Variants in ANTXR1 observed in about 807,000 individuals in gnomAD.
The protein encoded by ANTXR1 is anthrax toxin receptor 1.
A neutral mutation model predicts 78.1 loss-of-function variants in ANTXR1; 19 were observed. The ratio of observed to expected loss-of-function variants is 0.24; its 90% CI spans 0.17 to 0.36. The LOEUF (loss-of-function observed/expected upper bound fraction) is 0.36, where lower values mean the gene tolerates loss of function less well. Among genes scored for constraint, ANTXR1 ranks in the 10% least tolerant of loss-of-function variants. The pLI, the probability that ANTXR1 is intolerant of heterozygous loss-of-function variation, is 1.00. For synonymous variants in ANTXR1, 273 were observed against 260.5 expected (o/e 1.05, Z -0.46); for missense variants, 518 against 718.6 (o/e 0.72, Z 3.19).
At chr2:69,233,657 G>A (rs897465488) in intron 17 of ANTXR1, among the ~76,000 whole-genome samples, 14 of 151,580 alleles carry the variant, frequency 9.2e-5, no homozygotes, top group African/African-American at 3.4e-4. Flanking sequence ...CACTTAAACT[G>A]GAATTAAAGT....
chr2:69,232,855 A>G (rs1407236530), intron 17 of ANTXR1, among the ~76,000 whole-genome samples: 2 of 152,198 alleles, frequency 1.3e-5, no homozygotes, highest in African/African-American at 2.4e-5. Context: ...AACTACCAGT[A>G]TCATCGATGA....
At chr2:69,071,491 A>G (rs763581847) in intron 4 of ANTXR1, among the ~76,000 whole-genome samples, 1 of 152,252 alleles carries the variant, frequency 6.6e-6, no homozygotes, top group Non-Finnish European at 1.5e-5. Context: ...CAGCTCCATT[A>G]TAACCTTAGG....
rs78746025 is a variant in ANTXR1, at chr2:69,041,270, G to A, written c.224+1155G>A. Among the ~76,000 whole-genome samples, 2,340 of 152,294 alleles carry A rather than the reference G, an allele frequency of 0.015. 91 individuals carry two copies. The East Asian group carries it at 0.16, about 10-fold the overall frequency. On this transcript the variant is annotated intron_variant, in intron 2 of 17. Coordinates refer to ENST00000303714, the MANE Select transcript of ANTXR1 (RefSeq NM_032208.3). The stretch of plus-strand genomic sequence containing the variant: ...CCCAGCCTATCCTAGGAGGCATTGT[G>A]TAACTCTCTACTTGAATAGCTCTGG...
chr2:69,201,683 G>A (rs1674775436), intron 17 of ANTXR1, among the ~76,000 whole-genome samples: 1 of 152,168 alleles, frequency 6.6e-6, no homozygotes, highest in Non-Finnish European at 1.5e-5. Context: ...TAACTGCCTG[G>A]GTGTAGAGGA....
At chr2:69,066,318 C>T (rs1041213268) in intron 3 of ANTXR1, among the ~76,000 whole-genome samples, 1 of 151,630 alleles carries the variant, frequency 6.6e-6, no homozygotes, top group Non-Finnish European at 1.5e-5. Flanking sequence ...TTTTTAGAGA[C>T]GGAGTTTTGC....
chr2:69,211,241 C>T (rs1367341149), intron 17 of ANTXR1, among the ~76,000 whole-genome samples: 1 of 152,220 alleles, frequency 6.6e-6, no homozygotes, highest in Non-Finnish European at 1.5e-5. Context: ...AAAACATTTT[C>T]TTGGCATATA....
chr2:69,130,309 G>GT (rs35670748), intron 12 of ANTXR1, among the ~76,000 whole-genome samples: 39,982 of 151,920 alleles, frequency 0.26, 6,291 homozygotes, highest in African/African-American at 0.42. Flanking sequence ...GAAGACCCCT[G>GT]TTTTTTTCTC....
At chr2:69,199,321 C>G (rs1333821955) in intron 17 of ANTXR1, among the ~76,000 whole-genome samples, 1 of 152,148 alleles carries the variant, frequency 6.6e-6, no homozygotes, top group African/African-American at 2.4e-5. Context: ...CTTTGAAAAC[C>G]AGTAAGATAA....
intron 16 of ANTXR1, 31 bp from the exon 17 acceptor site, chr2:69,193,304 A>G: frequency 1.9e-6 from 3 of 1,609,270 alleles, no homozygotes; most frequent in Middle Eastern, 1.7e-4. Context: ...CTGGTTTCAT[A>G]TGTAATCTTG....
Position 69,245,284 on chromosome 2 carries a change from C to T in ANTXR1, c.1494C>T (p.Asn498=). The T allele has an allele frequency of 6.2e-7, 1 of 1,613,782 alleles. No individual in the cohort carries two copies. Among genetic ancestry groups the T allele is most frequent in the Non-Finnish European group, 8.5e-7 (1 of 1,179,938 alleles). The part of the protein sequence containing the change: ...KNNQPAKYPL[N]NAYHTSSPPP... Reference sequence around the variant, plus strand: ...ACCAGCCAGCCAAGTACCCACTCAACAACGCCTACCACACCTCCTCGCCGC... The same window carrying T: ...ACCAGCCAGCCAAGTACCCACTCAATAACGCCTACCACACCTCCTCGCCGC... Residue 498 remains asparagine (N), a synonymous_variant, in exon 18 of 18, where the codon AAC becomes AAT. Transcript: ENST00000303714.
At chr2:69,104,803 G>T (rs1671750168) in intron 10 of ANTXR1, among the ~76,000 whole-genome samples, 1 of 152,206 alleles carries the variant, frequency 6.6e-6, no homozygotes, top group Admixed American at 6.5e-5. Flanking sequence ...ATAAGATGTG[G>T]CCAGGCACGG....
chr2:69,105,508 T>C (rs948596505), intron 10 of ANTXR1, among the ~76,000 whole-genome samples: 26 of 152,334 alleles, frequency 1.7e-4, no homozygotes, highest in African/African-American at 6.3e-4. Context: ...TTCATTTCCA[T>C]GGAGAAAATA....
In ANTXR1 at chr2:69,084,593, T is replaced by G. The variant is rs910634832; in HGVS notation, c.643-6266T>G. On this transcript the variant is annotated intron_variant, in intron 8 of 17. Transcript: ENST00000303714. ...TATTCCATATTTGTATTTGTAAAGTTTTTTTTTTTTTTTTTTTTTTAGAGA... is the reference window on the plus strand; with the variant it reads ...TATTCCATATTTGTATTTGTAAAGTGTTTTTTTTTTTTTTTTTTTTAGAGA... Among the ~76,000 whole-genome samples, 9 of 13,738 alleles carry G rather than the reference T, an allele frequency of 6.6e-4. No homozygotes were observed. In the African/African-American group the frequency reaches 0.01, roughly 16 times the overall value. 9.0% of individuals were successfully genotyped at this position (13,738 alleles called of 152,430 possible).
intron 12 of ANTXR1, among the ~76,000 whole-genome samples, chr2:69,151,639 C>T (rs1673401280): frequency 6.6e-6 from 1 of 152,144 alleles, no homozygotes; most frequent in Non-Finnish European, 1.5e-5. Context: ...CGTTGCTCTG[C>T]CCCCACCCCC....
intron 12 of ANTXR1, among the ~76,000 whole-genome samples, chr2:69,139,694 A>G (rs910515404): frequency 2.0e-5 from 3 of 152,178 alleles, no homozygotes; most frequent in Admixed American, 2.0e-4. Flanking sequence ...TTCGTAATCT[A>G]AAGCAACAGC....
chr2:69,130,034 T>C (rs1672683873), intron 12 of ANTXR1, among the ~76,000 whole-genome samples: 1 of 152,212 alleles, frequency 6.6e-6, no homozygotes, highest in African/African-American at 2.4e-5. Context: ...GTTGTTGTTT[T>C]TCCTTCTTGT....
chr2:69,192,637 G>A (rs948422346), intron 16 of ANTXR1, among the ~76,000 whole-genome samples: 2 of 152,148 alleles, frequency 1.3e-5, no homozygotes, highest in Non-Finnish European at 2.9e-5. Context: ...CATATTCACA[G>A]GTTCCCGGGA....
intron 16 of ANTXR1, 151 bp downstream of exon 16, chr2:69,182,811 T>A (rs2104463709): frequency 2.0e-6 from 2 of 983,786 alleles, no homozygotes; most frequent in Admixed American, 2.3e-5. Context: ...TTGAAAGTAC[T>A]AGTAATTACT....
chr2:69,141,507 C>CA (rs200811451), intron 12 of ANTXR1, among the ~76,000 whole-genome samples: 3,362 of 152,284 alleles, frequency 0.022, 127 homozygotes, highest in African/African-American at 0.076. Context: ...AGTCAACAAG[C>CA]AGTACCTGGT....
Sources: allele counts gnomAD v4.1 joint callset (sites outside exome capture counted in the v4.1 genomes callset), GRCh38; gene constraint gnomAD v4.1.1; transcripts MANE v1.5; gene names NCBI Gene and HGNC (gene_info 2026-07-23, HGNC 2026-07-21).